CCBE1: variants seen among roughly 807,000 people sequenced by gnomAD.
CCBE1 encodes collagen and calcium-binding EGF domain-containing protein 1.
CCBE1 carries 37 observed loss-of-function variants against 50.0 expected under a neutral mutation model. That is an observed-to-expected ratio of 0.74 (90% confidence interval 0.57 to 0.97). The LOEUF is 0.97. Among genes scored for constraint, CCBE1 ranks in the 50% least tolerant of loss-of-function variants. CCBE1 has a pLI of 0.00. For missense variants in CCBE1, 538 were observed against 523.8 expected (o/e 1.03, Z -0.26); for synonymous variants, 234 against 203.7 (o/e 1.15, Z -1.27).
rs376583629 is a variant in CCBE1, at chr18:59,657,499, T to A, written c.212+39130A>T. ...CAACCCTCAGAGTCCCAGGGAGCTT[T>A]TAAAAAAGAGGATTGCTTTCATTCA... On this transcript the variant is annotated intron_variant, in intron 2 of 10. Transcript: ENST00000439986. Among the ~76,000 whole-genome samples the A allele has an allele frequency of 6.4e-4, 97 of 152,318 alleles. 2 individuals are homozygous for A. In the South Asian group the frequency reaches 0.02, roughly 31 times the overall value.
intron 2 of CCBE1, among the ~76,000 whole-genome samples, chr18:59,555,799 T>C (rs946097849): frequency 2.0e-5 from 3 of 151,864 alleles, no homozygotes; most frequent in Non-Finnish European, 4.4e-5. Context: ...AGCCCTGGGG[T>C]CTTTATATTG....
intron 2 of CCBE1, among the ~76,000 whole-genome samples, chr18:59,502,646 A>G (rs1913677808): frequency 6.6e-6 from 1 of 152,164 alleles, no homozygotes; most frequent in African/African-American, 2.4e-5. Context: ...GGAATTCTCA[A>G]GCTAACATGT....
At chr18:59,625,465 A>G (rs987509166) in intron 2 of CCBE1, among the ~76,000 whole-genome samples, 2 of 149,776 alleles carry the variant, frequency 1.3e-5, no homozygotes, top group Admixed American at 6.7e-5. Flanking sequence ...TTGTAGCCAT[A>G]TACTGATGCT....
chr18:59,669,480 G>T (rs1262249733), intron 2 of CCBE1, among the ~76,000 whole-genome samples: 2 of 152,220 alleles, frequency 1.3e-5, no homozygotes, highest in African/African-American at 4.8e-5. Context: ...GAGGTACAGG[G>T]AATATCTGTG....
intron 2 of CCBE1, among the ~76,000 whole-genome samples, chr18:59,582,009 G>T (rs2053090849): frequency 6.6e-6 from 1 of 152,098 alleles, no homozygotes; most frequent in South Asian, 2.1e-4. Flanking sequence ...GGGAGAACTG[G>T]AGGTTAGCAC....
chr18:59,455,373 T>C (rs909180316), intron 5 of CCBE1, among the ~76,000 whole-genome samples: 3 of 152,210 alleles, frequency 2.0e-5, no homozygotes, highest in African/African-American at 7.2e-5. Context: ...AAGCTGCCTT[T>C]ATCACCTCTG....
At chr18:59,614,249 C>T (rs2053609702) in intron 2 of CCBE1, among the ~76,000 whole-genome samples, 1 of 152,170 alleles carries the variant, frequency 6.6e-6, no homozygotes. Flanking sequence ...ATCCACCTGC[C>T]TCGGTCTCCC....
intron 2 of CCBE1, among the ~76,000 whole-genome samples, chr18:59,506,811 C>A (rs967921591): frequency 2.0e-5 from 3 of 152,318 alleles, no homozygotes; most frequent in Admixed American, 6.5e-5. Flanking sequence ...ATTAAATTTA[C>A]AACTATCACC....
At chr18:59,645,645 T>C (rs2054045410) in intron 2 of CCBE1, among the ~76,000 whole-genome samples, 1 of 152,144 alleles carries the variant, frequency 6.6e-6, no homozygotes, top group South Asian at 2.1e-4. Flanking sequence ...ACAAAAATAA[T>C]CTGTAGCCAG....
intron 2 of CCBE1, among the ~76,000 whole-genome samples, chr18:59,508,583 T>C (rs1039648953): frequency 2.6e-5 from 4 of 151,444 alleles, no homozygotes; most frequent in African/African-American, 9.7e-5. Flanking sequence ...GGCAAAAGAG[T>C]GAGACTCTGT....
intron 2 of CCBE1, among the ~76,000 whole-genome samples, chr18:59,618,513 C>A (rs1269077156): frequency 1.3e-5 from 2 of 151,556 alleles, no homozygotes; most frequent in African/African-American, 4.9e-5. Flanking sequence ...CGGCTTACTG[C>A]AACCTCCATC....
intron 2 of CCBE1, among the ~76,000 whole-genome samples, chr18:59,533,635 CATT>C (rs900169381): frequency 6.1e-4 from 93 of 152,236 alleles, no homozygotes; most frequent in African/African-American, 2.2e-3. Context: ...GCTATATATT[CATT>C]ATAACAAACG....
chr18:59,600,977 T>C lies in CCBE1; in HGVS notation c.212+95652A>G, dbSNP rs974952210. Among the ~76,000 whole-genome samples, 10 of 148,872 alleles carry C rather than the reference T, an allele frequency of 6.7e-5. 1 individual carries two copies. Among genetic ancestry groups the C allele is most frequent in the African/African-American group, 2.2e-4 (9 of 40,620 alleles). ...GGAAGAAGGGGCCCATTCTGTACTATGGATAGGGATCTATTTTATTAGCTA... is the reference window on the plus strand; with the variant it reads ...GGAAGAAGGGGCCCATTCTGTACTACGGATAGGGATCTATTTTATTAGCTA... On this transcript the variant is annotated intron_variant, in intron 2 of 10. Coordinates refer to ENST00000439986, the MANE Select transcript of CCBE1 (RefSeq NM_133459.4).
At chr18:59,488,693 C>T (rs922813546) in intron 2 of CCBE1, among the ~76,000 whole-genome samples, 2 of 152,172 alleles carry the variant, frequency 1.3e-5, no homozygotes, top group African/African-American at 4.8e-5. Flanking sequence ...CCTTAGATAA[C>T]TGACATTAAG....
chr18:59,616,869 T>C (rs1284754210), intron 2 of CCBE1, among the ~76,000 whole-genome samples: 1 of 152,172 alleles, frequency 6.6e-6, no homozygotes, highest in East Asian at 1.9e-4. Flanking sequence ...GCAGACCAAC[T>C]GTGTCATGTT....
intron 5 of CCBE1, among the ~76,000 whole-genome samples, chr18:59,458,598 CCAGAGAGAG>C (rs1300193571): frequency 1.3e-5 from 2 of 152,168 alleles, no homozygotes; most frequent in African/African-American, 4.8e-5. Flanking sequence ...ACAGTGAGAT[CCAGAGAGAG>C]ACAGTAACTT....
chr18:59,442,677 G>A (rs926657580), intron 7 of CCBE1, among the ~76,000 whole-genome samples: 2 of 152,078 alleles, frequency 1.3e-5, no homozygotes, highest in East Asian at 1.9e-4. Flanking sequence ...GCAGTGAGCC[G>A]AGATCATGCC....
At chr18:59,442,999 TTTTG>T (rs148130335) in intron 7 of CCBE1, among the ~76,000 whole-genome samples, 20,003 of 146,546 alleles carry the variant, frequency 0.14, 1,467 homozygotes, top group Middle Eastern at 0.29. Context: ...TTGTGTTTTG[TTTTG>T]TTTTTTTAAT....
At chr18:59,449,496 C>T (rs1460426570) in intron 6 of CCBE1, among the ~76,000 whole-genome samples, 4 of 152,080 alleles carry the variant, frequency 2.6e-5, no homozygotes, top group African/African-American at 7.2e-5. Flanking sequence ...GTGGTGCACG[C>T]CTGTAGTCCC....
Sources: allele counts gnomAD v4.1 joint callset (sites outside exome capture counted in the v4.1 genomes callset), GRCh38; gene constraint gnomAD v4.1.1; transcripts MANE v1.5; gene names NCBI Gene and HGNC (gene_info 2026-07-23, HGNC 2026-07-21).